MRC1: variants seen among roughly 807,000 people sequenced by gnomAD.
MRC1 encodes the protein mannose receptor C-type 1, also known as macrophage mannose receptor 1.
MRC1 carries 62 observed loss-of-function variants against 102.9 expected under a neutral mutation model. The ratio of observed to expected loss-of-function variants is 0.60; its 90% CI spans 0.49 to 0.74. The LOEUF is 0.74. Ranked by LOEUF, MRC1 falls within the 30% of genes least tolerant of loss-of-function variation. The pLI is 0.00. For synonymous variants in MRC1, 457 were observed against 298.4 expected (o/e 1.53, Z -5.48); for missense variants, 1,237 against 862.8 (o/e 1.43, Z -5.43).
chr10:17,910,795 G>A lies in MRC1; in HGVS notation c.*330G>A, dbSNP rs1199119616. ...ACTCTAGAAACAATGAAGCTTCTTGGCATATTTTAAGGAGCTCCCAAAATG... is the reference window on the plus strand; with the variant it reads ...ACTCTAGAAACAATGAAGCTTCTTGACATATTTTAAGGAGCTCCCAAAATG... On this transcript the variant is annotated 3_prime_UTR_variant, in exon 30 of 30. Transcript: ENST00000569591. The A allele has an allele frequency of 6.7e-6, 2 of 298,764 alleles. No homozygotes were observed. The highest frequency in any genetic ancestry group is 2.2e-5 in the African/African-American group (1 of 45,460). The allele number at this position is 298,764 out of a possible 1,614,324, so 18.5% of individuals were successfully genotyped here. A position where few individuals can be genotyped will look rare whatever the true frequency, so the allele number is the denominator to read the frequency against.
chr10:17,870,641 A>G (rs1247320359), intron 13 of MRC1, among the ~76,000 whole-genome samples: 1 of 152,200 alleles, frequency 6.6e-6, no homozygotes, highest in Non-Finnish European at 1.5e-5. Context: ...ATTTACTCTC[A>G]GGCAGTGGTC....
Position 17,840,681 on chromosome 10 carries a change from T to G in MRC1, c.803-12T>G. 2 of 780,420 alleles carry G rather than the reference T, an allele frequency of 2.6e-6. No homozygotes were observed. The highest frequency in any genetic ancestry group is 4.8e-6 in the Non-Finnish European group (2 of 417,854). 48.3% of individuals were successfully genotyped at this position (780,420 alleles called of 1,614,324 possible). A position where few individuals can be genotyped will look rare whatever the true frequency, so the allele number is the denominator to read the frequency against. ...TTCTTGTTTGTTTGTTTTGCTTTCT[T>G]TAAAAATATAGGATTAACCAGTTCC... On this transcript the variant is annotated splice_polypyrimidine_tract_variant and intron_variant, in intron 4 of 29. Coordinates refer to ENST00000569591, the MANE Select transcript of MRC1 (RefSeq NM_002438.4).
At chr10:17,909,682 T>C (rs1431151131) in intron 29 of MRC1, among the ~76,000 whole-genome samples, 2 of 151,924 alleles carry the variant, frequency 1.3e-5, no homozygotes, top group African/African-American at 4.8e-5. Context: ...TTAATTTTTA[T>C]AGACTACTTG....
In MRC1 at chr10:17,906,854, A is replaced by G. The variant is rs2130724941; in HGVS notation, c.3800-32A>G. 3 of 780,614 alleles carry G rather than the reference A, an allele frequency of 3.8e-6. No homozygotes were observed. The East Asian group carries it at 7.3e-5, about 19-fold the overall frequency. 48.4% of individuals were successfully genotyped at this position (780,614 alleles called of 1,614,324 possible). A position where few individuals can be genotyped will look rare whatever the true frequency, so the allele number is the denominator to read the frequency against. On this transcript the variant is annotated intron_variant, in intron 26 of 29. Transcript: ENST00000569591. Reference sequence around the variant, plus strand: ...AATATTTTCAGCTACTTAAATGTGCAGCTATCATATTTATCCTTTTACGCT... The same window carrying G: ...AATATTTTCAGCTACTTAAATGTGCGGCTATCATATTTATCCTTTTACGCT...
chr10:17,823,038 T>C (rs1174702455), intron 1 of MRC1, 36 bp from the exon 2 acceptor site: 2 of 779,906 alleles, frequency 2.6e-6, no homozygotes, highest in Admixed American at 3.4e-5. Context: ...CATGCTTGCT[T>C]TCTTCTTCTT....
intron 1 of MRC1, among the ~76,000 whole-genome samples, chr10:17,810,391 T>C (rs1838204036): frequency 6.6e-6 from 1 of 152,220 alleles, no homozygotes; most frequent in Admixed American, 6.5e-5. Flanking sequence ...GAATGGTTTG[T>C]GCCTACGATC....
intron 17 of MRC1, among the ~76,000 whole-genome samples, chr10:17,876,102 C>A (rs1474075177): frequency 4.6e-5 from 7 of 151,946 alleles, no homozygotes; most frequent in Admixed American, 2.6e-4. Context: ...CAATTGGTAC[C>A]CCCTAGTAGA....
rs982686955 is a variant in MRC1, at chr10:17,828,683, A to G, written c.637+968A>G. Among the ~76,000 whole-genome samples the G allele has an allele frequency of 5.0e-4, 76 of 151,700 alleles. No homozygotes were observed. The East Asian group carries it at 0.014, about 29-fold the overall frequency. Reference sequence around the variant, plus strand: ...TAAGAAGGGTGCCATTTAGTTTCACACAGCTAGAAATCAATGGAACTCGGT... The same window carrying G: ...TAAGAAGGGTGCCATTTAGTTTCACGCAGCTAGAAATCAATGGAACTCGGT... On this transcript the variant is annotated intron_variant, in intron 3 of 29. Transcript: ENST00000569591.
chr10:17,904,164 G>C (rs886826014), intron 26 of MRC1, among the ~76,000 whole-genome samples: 1 of 152,122 alleles, frequency 6.6e-6, no homozygotes, highest in Non-Finnish European at 1.5e-5. Flanking sequence ...AAAAGATAGA[G>C]TTATACATAA....
At chr10:17,818,513 C>T (rs1426078413) in intron 1 of MRC1, among the ~76,000 whole-genome samples, 6 of 152,256 alleles carry the variant, frequency 3.9e-5, no homozygotes, top group Non-Finnish European at 5.9e-5. Flanking sequence ...CAGCCTGCTA[C>T]GATGTTGACA....
intron 11 of MRC1, among the ~76,000 whole-genome samples, chr10:17,864,827 CA>C (rs34931364): frequency 0.51 from 41,005 of 80,424 alleles, 7,887 homozygotes; most frequent in Admixed American, 0.54. Flanking sequence ...AAAACTCCAT[CA>C]AAAAAAAAAA....
At position 17,873,783 on chromosome 10, in the gene MRC1, G is replaced by A; in HGVS notation, c.2345-1G>A. The stretch of plus-strand genomic sequence containing the variant: ...ATTTCTATTTTTCTCTTGTTTTACA[G>A]GACAAACACCAAAACCTGAGCCAAC... On this transcript the variant is annotated splice_acceptor_variant, in intron 15 of 29. Coordinates refer to ENST00000569591, the MANE Select transcript of MRC1 (RefSeq NM_002438.4). LOFTEE classifies it high-confidence loss of function. 1 of 872,516 alleles carries A rather than the reference G, an allele frequency of 1.1e-6. No individual in the cohort carries two copies. The highest frequency in any genetic ancestry group is 2.0e-6 in the Non-Finnish European group (1 of 501,360). 54.0% of individuals were successfully genotyped at this position (872,516 alleles called of 1,614,324 possible).
At chr10:17,853,516 A>G (rs1833019166) in intron 8 of MRC1, among the ~76,000 whole-genome samples, 2 of 152,070 alleles carry the variant, frequency 1.3e-5, no homozygotes, top group South Asian at 4.1e-4. Context: ...TATATATAAA[A>G]AGTTATTATA....
At chr10:17,855,082 A>C (rs1170052482) in intron 8 of MRC1, among the ~76,000 whole-genome samples, 1 of 152,352 alleles carries the variant, frequency 6.6e-6, no homozygotes, top group East Asian at 1.9e-4. Context: ...GAGAGGGGAT[A>C]GAATCTGAAA....
chr10:17,822,957 T>G (rs1838417784), intron 1 of MRC1, 117 bp from the exon 2 acceptor site: 1 of 701,866 alleles, frequency 1.4e-6, no homozygotes, highest in Non-Finnish European at 2.6e-6. Flanking sequence ...CAATCTTAAG[T>G]CTTTAGGGAA....
chr10:17,885,687 A>T (rs2130698191), intron 22 of MRC1, among the ~76,000 whole-genome samples: 1 of 152,308 alleles, frequency 6.6e-6, no homozygotes, highest in East Asian at 1.9e-4. Flanking sequence ...CCTAACTTGC[A>T]GTCAAAAGAA....
At chr10:17,844,052 GTTGAC>G (rs1838789519) in intron 5 of MRC1, among the ~76,000 whole-genome samples, 1 of 152,130 alleles carries the variant, frequency 6.6e-6, no homozygotes, top group African/African-American at 2.4e-5. Flanking sequence ...CTTTAGCAAC[GTTGAC>G]TTTATCTGGT....
rs888165714 is a variant in MRC1 at position 17,812,622 on chromosome 10, A to C, written c.61+3096A>C. Among the ~76,000 whole-genome samples the C allele has an allele frequency of 2.4e-5, 3 of 123,174 alleles. No homozygotes were observed. In the East Asian group the frequency reaches 7.6e-4, roughly 31 times the overall value. The allele number at this position is 123,174 out of a possible 152,430, so 80.8% of individuals were successfully genotyped here. The stretch of plus-strand genomic sequence containing the variant: ...AGTCTCTCTCTGTCACCCAGCCTTG[A>C]GTGCAATGGTGTGATCTTGGCTCAC... On this transcript the variant is annotated intron_variant, in intron 1 of 29. Coordinates refer to ENST00000569591, the MANE Select transcript of MRC1 (RefSeq NM_002438.4).
At chr10:17,863,847 T>C (rs1252889215) in intron 11 of MRC1, among the ~76,000 whole-genome samples, 165 bp downstream of exon 11, 3 of 152,252 alleles carry the variant, frequency 2.0e-5, no homozygotes, top group Admixed American at 2.0e-4. Context: ...CTTCCTTTTT[T>C]TCTTTTCTAA....
Sources: allele counts gnomAD v4.1 joint callset (sites outside exome capture counted in the v4.1 genomes callset), GRCh38; gene constraint gnomAD v4.1.1; transcripts MANE v1.5; gene names NCBI Gene and HGNC (gene_info 2026-07-23, HGNC 2026-07-21).